Variants in DENND1B observed in about 807,000 individuals in gnomAD.
DENND1B encodes the protein DENN domain containing 1B, also known as DENN domain-containing protein 1B.
Under a neutral mutation model 90.1 loss-of-function variants are expected in DENND1B, and 59 were observed. That is an observed-to-expected ratio of 0.65 (90% CI 0.53 to 0.81). DENND1B has a LOEUF of 0.81. Among genes scored for constraint, DENND1B ranks in the 40% least tolerant of loss-of-function variants. The pLI is 0.00. For missense variants in DENND1B, 862 were observed against 912.6 expected (o/e 0.94, Z 0.71); for synonymous variants, 337 against 324.6 (o/e 1.04, Z -0.41).
At chr1:197,757,690 TTCTGG>T (rs1654486617) in intron 2 of DENND1B, among the ~76,000 whole-genome samples, 1 of 152,170 alleles carries the variant, frequency 6.6e-6, no homozygotes, top group Non-Finnish European at 1.5e-5. Context: ...CAAGGATAAT[TTCTGG>T]ACTTAAATTC....
chr1:197,656,863 C>T (rs1170660586), intron 6 of DENND1B, among the ~76,000 whole-genome samples: 2 of 151,676 alleles, frequency 1.3e-5, no homozygotes, highest in African/African-American at 2.4e-5. Context: ...AATCATTATC[C>T]CATAGAATTT....
At chr1:197,612,987 T>C (rs1045280922) in intron 11 of DENND1B, among the ~76,000 whole-genome samples, 1 of 150,826 alleles carries the variant, frequency 6.6e-6, no homozygotes, top group African/African-American at 2.4e-5. Context: ...AGCAGATATA[T>C]GAATAAATAG....
At chr1:197,667,619 G>A (rs552187961) in intron 5 of DENND1B, among the ~76,000 whole-genome samples, 58 of 152,062 alleles carry the variant, frequency 3.8e-4, no homozygotes, top group Admixed American at 3.0e-3. Flanking sequence ...TAGTAGAGAC[G>A]GGGTTTCTTG....
chr1:197,671,548 A>C (rs1655506254), intron 5 of DENND1B, among the ~76,000 whole-genome samples: 1 of 152,146 alleles, frequency 6.6e-6, no homozygotes, highest in Non-Finnish European at 1.5e-5. Flanking sequence ...TATATACAAA[A>C]CTTCCTCAAA....
At chr1:197,702,411 G>T (rs1659127991) in intron 3 of DENND1B, among the ~76,000 whole-genome samples, 1 of 151,992 alleles carries the variant, frequency 6.6e-6, no homozygotes, top group Non-Finnish European at 1.5e-5. Flanking sequence ...ACACGTTAAG[G>T]TTATATAACA....
upstream of DENND1B, among the ~76,000 whole-genome samples, chr1:197,777,152 T>C (rs1461316540): frequency 6.6e-6 from 1 of 152,178 alleles, no homozygotes; most frequent in Non-Finnish European, 1.5e-5. Context: ...GTTACTGAAT[T>C]TCTCAAACTT....
At chr1:197,689,079 C>T (rs887357808) in intron 3 of DENND1B, 23 of 204,376 alleles carry the variant, frequency 1.1e-4, no homozygotes, top group African/African-American at 5.4e-4. Context: ...ATTACAGAAA[C>T]ATTTATTATA....
chr1:197,539,795 C>A (rs1670196222), intron 20 of DENND1B, among the ~76,000 whole-genome samples, 169 bp downstream of exon 20: 1 of 152,172 alleles, frequency 6.6e-6, no homozygotes, highest in Non-Finnish European at 1.5e-5. Flanking sequence ...ACATTTGACT[C>A]TCAATCCCCT....
intron 15 of DENND1B, among the ~76,000 whole-genome samples, chr1:197,582,706 A>G (rs926651169): frequency 1.4e-4 from 21 of 152,212 alleles, no homozygotes; most frequent in Admixed American, 9.2e-4. Context: ...TTCTGAATGT[A>G]TGAGTATTAA....
chr1:197,577,798 A>G (rs1055803232), intron 15 of DENND1B, among the ~76,000 whole-genome samples: 2 of 152,172 alleles, frequency 1.3e-5, no homozygotes, highest in Admixed American at 1.3e-4. Flanking sequence ...ACTATCATCC[A>G]TCTAAGCTAT....
intron 2 of DENND1B, among the ~76,000 whole-genome samples, chr1:197,717,477 T>G (rs979673059): frequency 1.3e-5 from 2 of 152,042 alleles, no homozygotes; most frequent in Admixed American, 1.3e-4. Context: ...AAAATTTTAC[T>G]GCCAACATTC....
chr1:197,674,471 G>C (rs754503388), intron 3 of DENND1B, among the ~76,000 whole-genome samples: 7 of 152,116 alleles, frequency 4.6e-5, no homozygotes, highest in Admixed American at 1.3e-4. Flanking sequence ...TTTACAAGAA[G>C]CACCGCACCA....
Position 197,505,266 on chromosome 1 carries a change from T to A in DENND1B, c.*5194A>T, listed in dbSNP as rs1393003598. On this transcript the variant is annotated 3_prime_UTR_variant, in exon 23 of 23. Transcript: ENST00000620048. ...TATGGAAGTTACACTGTCAGAAGGA[T>A]GGTGACTTGACATGTGATGCACTAA... The A allele has an allele frequency of 1.3e-5, 2 of 151,760 alleles. No homozygotes were observed. The highest frequency in any genetic ancestry group is 1.9e-4 in the East Asian group (1 of 5,160). The allele number at this position is 151,760 out of a possible 1,614,324, so 9.4% of individuals were successfully genotyped here. A position where few individuals can be genotyped will look rare whatever the true frequency, so the allele number is the denominator to read the frequency against.
intron 2 of DENND1B, among the ~76,000 whole-genome samples, chr1:197,771,512 C>T (rs1013069212): frequency 1.3e-5 from 2 of 152,154 alleles, no homozygotes; most frequent in African/African-American, 4.8e-5. Flanking sequence ...AATAGACAAA[C>T]CTGACCACAG....
At chr1:197,517,126 A>G (rs1261392918) in intron 20 of DENND1B, among the ~76,000 whole-genome samples, 2 of 151,812 alleles carry the variant, frequency 1.3e-5, no homozygotes, top group African/African-American at 2.4e-5. Flanking sequence ...ACCCTACTGT[A>G]TGCCTTCCTA....
Position 197,617,717 on chromosome 1 carries a change from T to C in DENND1B, c.715A>G (p.Met239Val), listed in dbSNP as rs779340667. ...GGGATGTATATGTGTTGCCAATACA[T>C]TGGGTATAGAAGAGCAGCTGATCCA... ...IHGSAALLYP[M>V]YWQHIYIPVL... The change falls in exon 11 of 23, where the codon ATG becomes GTG. Residue 239 changes from methionine to valine, a missense_variant. Coordinates refer to ENST00000620048, the MANE Select transcript of DENND1B (RefSeq NM_001195215.2). 3.7e-6 allele frequency: 6 copies of C among 1,607,746 alleles called. No homozygotes were observed. The highest frequency in any genetic ancestry group is 5.1e-6 in the Non-Finnish European group (6 of 1,175,602).
At position 197,775,077 on chromosome 1, in the gene DENND1B, C is replaced by T. The variant is rs943464041; in HGVS notation, c.17+62G>A. 7 of 1,144,190 alleles carry T rather than the reference C, an allele frequency of 6.1e-6. No homozygotes were observed. In the African/African-American group the frequency reaches 6.5e-5, roughly 11 times the overall value. The allele number at this position is 1,144,190 out of a possible 1,614,324, so 70.9% of individuals were successfully genotyped here. ...AGCGCGGAGGCGCGGAGGAGCCGAG[C>T]TGGCCTGGGAGGGGCCGCCGAGGGA... On this transcript the variant is annotated intron_variant, in intron 1 of 22. Coordinates refer to ENST00000620048, the MANE Select transcript of DENND1B (RefSeq NM_001195215.2).
chr1:197,656,128 TGAAGA>T, intron 6 of DENND1B, among the ~76,000 whole-genome samples: 1 of 152,018 alleles, frequency 6.6e-6, no homozygotes, highest in East Asian at 1.9e-4. Flanking sequence ...AAGTTCATCT[TGAAGA>T]GAAAAGAGTC....
At chr1:197,603,705 CTATTTA>C (rs2125829211) in intron 13 of DENND1B, among the ~76,000 whole-genome samples, 1 of 151,092 alleles carries the variant, frequency 6.6e-6, no homozygotes, top group South Asian at 2.1e-4. Flanking sequence ...GAGAGTAATT[CTATTTA>C]TATTTGAAAT....
Sources: gnomAD v4.1 joint callset for allele counts (sites outside exome capture counted in the v4.1 genomes callset) on GRCh38, gnomAD v4.1.1 for gene constraint, MANE v1.5 for transcripts, NCBI Gene and HGNC (gene_info 2026-07-23, HGNC 2026-07-21) for gene names.